The following SIK3 variants were observed in gnomAD, a reference collection of about 807,000 sequenced individuals.
SIK3 encodes SIK family kinase 3, also known as serine/threonine-protein kinase SIK3.
Under a neutral mutation model 144.2 loss-of-function variants are expected in SIK3, and 28 were observed. The observed-to-expected ratio is 0.19, with a 90% CI of 0.14 to 0.27. The LOEUF is 0.27. SIK3 is among the 10% of genes least tolerant of loss of function. The probability of loss-of-function intolerance (pLI) is 1.00; values close to 1 mark genes in which losing one functional copy is unlikely to be tolerated. For synonymous variants in SIK3, 686 were observed against 676.3 expected (o/e 1.01, Z -0.22); for missense variants, 1,319 against 1,776.0 (o/e 0.74, Z 4.62).
At chr11:116,898,737 A>AT (rs1255040890) in intron 4 of SIK3, among the ~76,000 whole-genome samples, 1 of 149,076 alleles carries the variant, frequency 6.7e-6, no homozygotes, top group Non-Finnish European at 1.5e-5. Flanking sequence ...GATGGTGAGC[A>AT]TTTTTTCATG....
intron 4 of SIK3, among the ~76,000 whole-genome samples, chr11:116,914,088 G>C (rs1591307831): frequency 6.6e-6 from 1 of 151,042 alleles, no homozygotes; most frequent in South Asian, 2.1e-4. Context: ...TTAGATTAAA[G>C]CTAATAGGAA....
intron 1 of SIK3, among the ~76,000 whole-genome samples, chr11:117,028,920 C>T (rs1323276192): frequency 6.6e-6 from 1 of 151,594 alleles, no homozygotes; most frequent in Non-Finnish European, 1.5e-5. Context: ...GTAATCCCAG[C>T]ATTTTGTATA....
At chr11:116,910,817 G>C (rs1946299153) in intron 4 of SIK3, among the ~76,000 whole-genome samples, 2 of 151,820 alleles carry the variant, frequency 1.3e-5, no homozygotes, top group South Asian at 2.1e-4. Flanking sequence ...TGAAAAACAA[G>C]AACAACAACA....
At chr11:116,928,602 T>C (rs1393276319) in intron 3 of SIK3, among the ~76,000 whole-genome samples, 1 of 152,166 alleles carries the variant, frequency 6.6e-6, no homozygotes, top group Non-Finnish European at 1.5e-5. Context: ...TAGCACATAT[T>C]TACTAGCAAT....
At chr11:116,947,224 A>C (rs909871204) in intron 3 of SIK3, among the ~76,000 whole-genome samples, 31 of 90,096 alleles carry the variant, frequency 3.4e-4, no homozygotes, top group African/African-American at 1.5e-3. Flanking sequence ...ACAATATATA[A>C]TTATTTATAT....
intron 6 of SIK3, among the ~76,000 whole-genome samples, chr11:116,879,003 C>G (rs1448464053): frequency 3.9e-5 from 6 of 152,194 alleles, no homozygotes; most frequent in Non-Finnish European, 8.8e-5. Flanking sequence ...TACTTATTGT[C>G]TGACTCCTCC....
intron 1 of SIK3, among the ~76,000 whole-genome samples, chr11:116,998,718 C>A (rs1227268306): frequency 6.6e-6 from 1 of 152,184 alleles, no homozygotes. Flanking sequence ...CCAGCTAGGG[C>A]CTGGCACACA....
At chr11:117,020,711 C>T (rs1434475212) in intron 1 of SIK3, among the ~76,000 whole-genome samples, 1 of 152,212 alleles carries the variant, frequency 6.6e-6, no homozygotes, top group Non-Finnish European at 1.5e-5. Flanking sequence ...GGCACCCCAG[C>T]TCTACCGGGA....
rs752564694 is a variant in SIK3 at position 117,030,434 on chromosome 11, T to C, written c.273+67709A>G. Among the ~76,000 whole-genome samples, 15 of 152,308 alleles carry C rather than the reference T, an allele frequency of 9.8e-5. No individual in the cohort carries two copies. The Middle Eastern group carries it at 0.014, about 138-fold the overall frequency. On this transcript the variant is annotated intron_variant, in intron 1 of 24. Transcript: ENST00000445177. The stretch of plus-strand genomic sequence containing the variant: ...GATTATGAGCCATTTAAAATCTATA[T>C]TCATGGATAATTTTAAGTGATAAAA...
At chr11:116,908,151 C>G (rs1001067102) in intron 4 of SIK3, among the ~76,000 whole-genome samples, 1 of 152,014 alleles carries the variant, frequency 6.6e-6, no homozygotes. Flanking sequence ...TGAGAAACCA[C>G]AAAGTGAGGG....
chr11:116,881,633 G>A (rs1241837132), intron 6 of SIK3, among the ~76,000 whole-genome samples: 1 of 151,844 alleles, frequency 6.6e-6, no homozygotes, highest in African/African-American at 2.4e-5. Context: ...TTCTCCATAA[G>A]CCGTGTGGAT....
chr11:117,051,686 G>A (rs866239197), intron 1 of SIK3, among the ~76,000 whole-genome samples: 15 of 151,892 alleles, frequency 9.9e-5, no homozygotes, highest in South Asian at 8.3e-4. Flanking sequence ...ACACCACCAT[G>A]CCCGGCTAAT....
chr11:117,026,728 G>A (rs561928368), intron 1 of SIK3, among the ~76,000 whole-genome samples: 18 of 152,258 alleles, frequency 1.2e-4, no homozygotes, highest in Non-Finnish European at 1.9e-4. Flanking sequence ...CAAGCCTTAC[G>A]TGGACAATGA....
chr11:117,073,120 G>A (rs1252103700), intron 1 of SIK3, among the ~76,000 whole-genome samples: 1 of 152,132 alleles, frequency 6.6e-6, no homozygotes, highest in East Asian at 1.9e-4. Context: ...AATATAGAAG[G>A]ACTTTAGAAA....
intron 3 of SIK3, among the ~76,000 whole-genome samples, chr11:116,947,236 T>TAATATATAATATATAAA (rs1565487382): frequency 1.0e-5 from 1 of 95,828 alleles, no homozygotes; most frequent in Non-Finnish European, 2.1e-5. Flanking sequence ...TATTTATATA[T>TAATATATAATATATAAA]TTTATATATA....
intron 15 of SIK3, 39 bp from the exon 16 acceptor site, chr11:116,863,857 AG>A (rs1166941326): frequency 6.5e-7 from 1 of 1,540,062 alleles, no homozygotes; most frequent in Admixed American, 2.0e-5. Context: ...GCTAGGACTC[AG>A]GGGCTTTGAC....
At chr11:116,968,525 T>G (rs1346571588) in intron 1 of SIK3, among the ~76,000 whole-genome samples, 4 of 152,184 alleles carry the variant, frequency 2.6e-5, no homozygotes, top group Non-Finnish European at 5.9e-5. Context: ...ATGATTCCAC[T>G]GAAATATAAA....
At chr11:116,968,586 A>G (rs768307417) in intron 1 of SIK3, among the ~76,000 whole-genome samples, 19 of 152,376 alleles carry the variant, frequency 1.2e-4, no homozygotes, top group African/African-American at 3.4e-4. Context: ...AGACAGCTAC[A>G]TGAAGTATAT....
intron 3 of SIK3, among the ~76,000 whole-genome samples, chr11:116,930,865 C>T (rs935248654): frequency 6.7e-6 from 1 of 150,238 alleles, no homozygotes; most frequent in African/African-American, 2.5e-5. Flanking sequence ...CAATCAACTA[C>T]TTATCTATTT....
Sources: gnomAD v4.1 joint callset for allele counts (sites outside exome capture counted in the v4.1 genomes callset) on GRCh38, gnomAD v4.1.1 for gene constraint, MANE v1.5 for transcripts, NCBI Gene and HGNC (gene_info 2026-07-23, HGNC 2026-07-21) for gene names.